BCL2L1: variants seen among roughly 807,000 people sequenced by gnomAD.
The protein encoded by BCL2L1 is BCL2 like 1, also known as bcl-2-like protein 1.
A neutral mutation model predicts 18.7 loss-of-function variants in BCL2L1; 1 was observed. The observed-to-expected ratio is 0.05, with a 90% CI of 0.02 to 0.25. The LOEUF is 0.25. Among genes scored for constraint, BCL2L1 ranks in the 10% least tolerant of loss-of-function variants. The pLI is 1.00. For synonymous variants in BCL2L1, 103 were observed against 122.7 expected (o/e 0.84, Z 1.06); for missense variants, 207 against 304.9 (o/e 0.68, Z 2.39).
chr20:31,706,554 C>T (rs1429088126), intron 2 of BCL2L1, among the ~76,000 whole-genome samples: 1 of 152,244 alleles, frequency 6.6e-6, no homozygotes, highest in Non-Finnish European at 1.5e-5. Context: ...AGTTTTTATC[C>T]TCAGTAAGCT....
At chr20:31,691,982 C>T (rs2061082738) in intron 2 of BCL2L1, among the ~76,000 whole-genome samples, 1 of 152,248 alleles carries the variant, frequency 6.6e-6, no homozygotes, top group South Asian at 2.1e-4. Context: ...GGAAAACAAT[C>T]TGCCATTACC....
chr20:31,685,806 C>A (rs562352708), intron 2 of BCL2L1, among the ~76,000 whole-genome samples: 59 of 152,130 alleles, frequency 3.9e-4, no homozygotes, highest in Non-Finnish European at 6.0e-4. Flanking sequence ...AGACTGAGTT[C>A]TAATCTCAGC....
intron 2 of BCL2L1, chr20:31,713,445 C>T (rs1358379761): frequency 4.0e-5 from 39 of 985,170 alleles, no homozygotes; most frequent in East Asian, 2.3e-4. Context: ...ACACTCTTGC[C>T]GGCAGGGCTG....
intron 2 of BCL2L1, among the ~76,000 whole-genome samples, chr20:31,689,283 G>T (rs2061017468): frequency 4.4e-5 from 4 of 89,912 alleles, no homozygotes; most frequent in African/African-American, 8.7e-5. Context: ...GAGGGCAGGG[G>T]AGGGGAGGGA....
chr20:31,671,572 C>G (rs919924186), intron 2 of BCL2L1, among the ~76,000 whole-genome samples: 3 of 152,114 alleles, frequency 2.0e-5, no homozygotes, highest in African/African-American at 7.2e-5. Flanking sequence ...CTTTCTGTTC[C>G]CAGACTCCTT....
chr20:31,685,129 G>A (rs978351693), intron 2 of BCL2L1, among the ~76,000 whole-genome samples: 9 of 152,178 alleles, frequency 5.9e-5, no homozygotes, highest in South Asian at 2.1e-4. Flanking sequence ...ACAGCCAGGC[G>A]TGGTGGCTCA....
rs545094719 is a variant in BCL2L1, at chr20:31,721,446, G to A, written c.564+209C>T. On this transcript the variant is annotated intron_variant, in intron 2 of 2. Coordinates refer to ENST00000307677, the MANE Select transcript of BCL2L1 (RefSeq NM_138578.3). ...TAGTGGAGTCATGGGGGTGACCAGG[G>A]TGAAAGATGCCTGATCTCTGAAGCA... is the stretch of plus-strand genomic sequence containing the variant. The A allele has an allele frequency of 2.9e-5, 17 of 587,534 alleles. No homozygotes were observed. In the African/African-American group the frequency reaches 3.0e-4, roughly 10 times the overall value. The allele number at this position is 587,534 out of a possible 1,614,324, so 36.4% of individuals were successfully genotyped here.
rs930415099 is a variant in BCL2L1 at position 31,720,775 on chromosome 20, C to G, written c.564+880G>C. ...ATGACAGAACTGGAACTTATACCTG[C>G]ATGTGAAGTCTGTTACTAAATCTCA... On this transcript the variant is annotated intron_variant, in intron 2 of 2. Coordinates refer to ENST00000307677, the MANE Select transcript of BCL2L1 (RefSeq NM_138578.3). 1.0e-5 allele frequency: 10 copies of G among 985,328 alleles called. No homozygotes were observed. In the African/African-American group the frequency reaches 1.7e-4, roughly 17 times the overall value. The allele number at this position is 985,328 out of a possible 1,614,324, so 61.0% of individuals were successfully genotyped here.
chr20:31,668,524 C>A (rs1480632244), intron 2 of BCL2L1, among the ~76,000 whole-genome samples: 1 of 151,548 alleles, frequency 6.6e-6, no homozygotes, highest in Non-Finnish European at 1.5e-5. Flanking sequence ...CCAGGCTGGT[C>A]TCAAACTCCT....
chr20:31,697,892 G>GTTTTTTTTTTTTT lies in BCL2L1; in HGVS notation c.564+23750_564+23762dup, dbSNP rs199575410. On this transcript the variant is annotated intron_variant, in intron 2 of 2. Transcript: ENST00000307677. ...AGAATCCTCAGCATGTGCTGTTGCT[G>GTTTTTTTTTTTTT]TTTTTTTTTTTTTGAGACGGAGTCT... 8.8e-4 allele frequency among the ~76,000 whole-genome samples: 114 copies of GTTTTTTTTTTTTT among 129,620 alleles called. 5 individuals are homozygous for GTTTTTTTTTTTTT. The highest frequency in any genetic ancestry group is 5.1e-3 in the East Asian group (24 of 4,694). 85.0% of individuals were successfully genotyped at this position (129,620 alleles called of 152,430 possible). A position where few individuals can be genotyped will look rare whatever the true frequency, so the allele number is the denominator to read the frequency against.
Position 31,665,789 on chromosome 20 carries a change from G to C in BCL2L1, c.*160C>G. The C allele has an allele frequency of 1.1e-6, 1 of 945,158 alleles. No homozygotes were observed. Among genetic ancestry groups the C allele is most frequent in the Non-Finnish European group, 1.5e-6 (1 of 646,862 alleles). 58.5% of individuals were successfully genotyped at this position (945,158 alleles called of 1,614,324 possible). A position where few individuals can be genotyped will look rare whatever the true frequency, so the allele number is the denominator to read the frequency against. The stretch of plus-strand genomic sequence containing the variant: ...TCTCACAGAAGTGTGATAAATTCTA[G>C]AAAACTAGCTGCAAGGGACCAGATC... On this transcript the variant is annotated 3_prime_UTR_variant, in exon 3 of 3. Coordinates refer to ENST00000307677, the MANE Select transcript of BCL2L1 (RefSeq NM_138578.3).
intron 2 of BCL2L1, among the ~76,000 whole-genome samples, chr20:31,679,666 G>A (rs1007321341): frequency 2.6e-5 from 4 of 152,164 alleles, no homozygotes; most frequent in African/African-American, 7.2e-5. Context: ...TATTATTATC[G>A]TTATTAATTG....
At chr20:31,667,252 G>T (rs1341202500) in intron 2 of BCL2L1, among the ~76,000 whole-genome samples, 6 of 152,230 alleles carry the variant, frequency 3.9e-5, no homozygotes, top group Admixed American at 2.6e-4. Context: ...CCTGAGGTCA[G>T]GAGTTCGAGA....
At chr20:31,694,743 T>C (rs917311879) in intron 2 of BCL2L1, among the ~76,000 whole-genome samples, 7 of 152,116 alleles carry the variant, frequency 4.6e-5, no homozygotes, top group African/African-American at 9.7e-5. Flanking sequence ...TAGGCTTACA[T>C]TGAAGGAAAC....
intron 2 of BCL2L1, among the ~76,000 whole-genome samples, chr20:31,686,642 G>T (rs185343902): frequency 2.0e-5 from 3 of 152,232 alleles, no homozygotes; most frequent in African/African-American, 7.2e-5. Context: ...CATCCTTCTA[G>T]ATTCCTGTTA....
intron 2 of BCL2L1, among the ~76,000 whole-genome samples, chr20:31,717,529 G>A (rs1417349747): frequency 1.3e-5 from 2 of 152,228 alleles, no homozygotes; most frequent in South Asian, 2.1e-4. Context: ...ACACTCAGAA[G>A]AAGTAGGTGT....
intron 2 of BCL2L1, among the ~76,000 whole-genome samples, chr20:31,707,778 C>CAA (rs553742099): frequency 1.2e-4 from 7 of 60,862 alleles, no homozygotes; most frequent in South Asian, 4.8e-4. Flanking sequence ...AACTCTGTCT[C>CAA]AAAAAAAAAA....
intron 2 of BCL2L1, among the ~76,000 whole-genome samples, chr20:31,715,474 A>T (rs1462475876): frequency 6.6e-6 from 1 of 151,878 alleles, no homozygotes; most frequent in African/African-American, 2.4e-5. Flanking sequence ...AATGTCAAGC[A>T]TGCTCCCTCC....
chr20:31,665,661 T>C lies in BCL2L1; in HGVS notation c.*288A>G, dbSNP rs1047719179. On this transcript the variant is annotated 3_prime_UTR_variant, in exon 3 of 3. Coordinates refer to ENST00000307677, the MANE Select transcript of BCL2L1 (RefSeq NM_138578.3). ...GGGTTGCACCAATCAGGTAGGGCCC[T>C]CCTGCCCCCAGCCACAAACCCTTCC... 2.5e-5 allele frequency: 12 copies of C among 478,720 alleles called. No individual in the cohort carries two copies. The highest frequency in any genetic ancestry group is 4.5e-5 in the Non-Finnish European group (12 of 266,898). 29.7% of individuals were successfully genotyped at this position (478,720 alleles called of 1,614,324 possible).
Sources: gnomAD v4.1 joint callset for allele counts (sites outside exome capture counted in the v4.1 genomes callset) on GRCh38, gnomAD v4.1.1 for gene constraint, MANE v1.5 for transcripts, NCBI Gene and HGNC (gene_info 2026-07-23, HGNC 2026-07-21) for gene names.